Variants in RBPMS observed in about 807,000 individuals in gnomAD.
RBPMS encodes the protein RNA binding protein, mRNA processing factor.
In RBPMS, 7 loss-of-function variants were observed where a neutral mutation model predicts 26.8. That is an observed-to-expected ratio of 0.26 (90% CI 0.15 to 0.49). The LOEUF (loss-of-function observed/expected upper bound fraction) is 0.49. RBPMS is among the 20% of genes least tolerant of loss of function. The probability of loss-of-function intolerance (pLI) is 0.98; values close to 1 mark genes in which losing one functional copy is unlikely to be tolerated. For synonymous variants in RBPMS, 96 were observed against 93.3 expected (o/e 1.03, Z -0.17); for missense variants, 186 against 250.0 (o/e 0.74, Z 1.73).
chr8:30,558,834 A>C lies in RBPMS; in HGVS notation c.529-53A>C, dbSNP rs1429684777. 3.4e-6 allele frequency: 5 copies of C among 1,469,472 alleles called. No homozygotes were observed. In the African/African-American group the frequency reaches 7.0e-5, roughly 20 times the overall value. 91.0% of individuals were successfully genotyped at this position (1,469,472 alleles called of 1,614,324 possible). On this transcript the variant is annotated intron_variant, in intron 6 of 8. Coordinates refer to ENST00000397323, the MANE Select transcript of RBPMS (RefSeq NM_001008710.3). ...TAGCCAAGCAGGACCCTCCGTGAGA[A>C]TGGGGATATGCTGGGGAGCCCTGGC... is the stretch of plus-strand genomic sequence containing the variant.
At chr8:30,490,551 C>T (rs886764272) in intron 4 of RBPMS, among the ~76,000 whole-genome samples, 3 of 151,984 alleles carry the variant, frequency 2.0e-5, no homozygotes, top group African/African-American at 7.3e-5. Context: ...CCTCTGCCTC[C>T]GGGGTTCAAG....
intron 1 of RBPMS, among the ~76,000 whole-genome samples, chr8:30,424,949 A>G (rs781261373): frequency 6.6e-6 from 1 of 151,944 alleles, no homozygotes; most frequent in Non-Finnish European, 1.5e-5. Flanking sequence ...TTTTTATTCC[A>G]TGTATTTATT....
intron 1 of RBPMS, among the ~76,000 whole-genome samples, chr8:30,456,506 T>A (rs995146502): frequency 1.3e-5 from 2 of 152,068 alleles, no homozygotes; most frequent in East Asian, 1.9e-4. Context: ...GATTTTTTTT[T>A]AAAATCATGG....
chr8:30,523,609 G>C (rs1238006848), intron 5 of RBPMS, among the ~76,000 whole-genome samples: 1 of 150,634 alleles, frequency 6.6e-6, no homozygotes, highest in East Asian at 1.9e-4. Context: ...CATGACAGGG[G>C]AAGAATTCCT....
intron 1 of RBPMS, among the ~76,000 whole-genome samples, chr8:30,439,842 G>C (rs1812873657): frequency 6.6e-6 from 1 of 151,910 alleles, no homozygotes; most frequent in Non-Finnish European, 1.5e-5. Context: ...TGTAGAGACG[G>C]GGTTTCACCA....
rs753402190 is a variant in RBPMS at position 30,479,300 on chromosome 8, C to CT, written c.184-6dup. 880 of 1,573,960 alleles carry CT rather than the reference C, an allele frequency of 5.6e-4. No homozygotes were observed. The highest frequency in any genetic ancestry group is 6.4e-4 in the Non-Finnish European group (740 of 1,147,980). Reference sequence around the variant, plus strand: ...TCTGATTTTTTTTCTTCATATTTCTCTTTTTTTTTCTCAGCCTGTAGGTTT... The same window carrying CT: ...TCTGATTTTTTTTCTTCATATTTCTCTTTTTTTTTTCTCAGCCTGTAGGTTT... On this transcript the variant is annotated splice_polypyrimidine_tract_variant and intron_variant, in intron 3 of 8. Coordinates refer to ENST00000397323, the MANE Select transcript of RBPMS (RefSeq NM_001008710.3).
chr8:30,541,023 T>G (rs966381589), intron 5 of RBPMS, among the ~76,000 whole-genome samples: 3 of 152,182 alleles, frequency 2.0e-5, no homozygotes, highest in African/African-American at 7.2e-5. Flanking sequence ...CTATGGAATA[T>G]TTCCAAATAG....
intron 4 of RBPMS, among the ~76,000 whole-genome samples, chr8:30,503,108 C>T (rs1458022909): frequency 6.6e-6 from 1 of 152,154 alleles, no homozygotes; most frequent in Non-Finnish European, 1.5e-5. Flanking sequence ...CCCTAAGGAC[C>T]TCTCTTTCCT....
intron 1 of RBPMS, among the ~76,000 whole-genome samples, chr8:30,434,065 C>T (rs1812196649): frequency 6.6e-6 from 1 of 151,674 alleles, no homozygotes; most frequent in Non-Finnish European, 1.5e-5. Flanking sequence ...TGCAGTGAGC[C>T]AAGTTTACAC....
At chr8:30,439,334 G>C (rs927133782) in intron 1 of RBPMS, among the ~76,000 whole-genome samples, 3 of 152,208 alleles carry the variant, frequency 2.0e-5, no homozygotes, top group African/African-American at 7.2e-5. Flanking sequence ...TTTCTTGGCA[G>C]ATCTTACAGG....
At chr8:30,554,970 C>G (rs1385910993) in intron 6 of RBPMS, among the ~76,000 whole-genome samples, 5 of 152,286 alleles carry the variant, frequency 3.3e-5, no homozygotes, top group Non-Finnish European at 5.9e-5. Context: ...GTTGGTACTT[C>G]AGGCAGGGCG....
chr8:30,500,363 A>G (rs1198117964), intron 4 of RBPMS, among the ~76,000 whole-genome samples: 2 of 148,372 alleles, frequency 1.3e-5, no homozygotes, highest in Admixed American at 1.3e-4. Context: ...TTTTCAGGCT[A>G]ATCTAGCCAT....
chr8:30,567,114 A>C (rs954014770), intron 8 of RBPMS, among the ~76,000 whole-genome samples: 3 of 152,198 alleles, frequency 2.0e-5, no homozygotes, highest in African/African-American at 4.8e-5. Flanking sequence ...ATGGTGGTTT[A>C]TGTCTCAGCC....
intron 1 of RBPMS, among the ~76,000 whole-genome samples, chr8:30,446,416 A>T (rs1813777291): frequency 6.6e-6 from 1 of 152,166 alleles, no homozygotes; most frequent in Admixed American, 6.5e-5. Context: ...GGCTTACTAC[A>T]GGTAGACTAC....
chr8:30,473,155 T>G (rs1817318073), intron 1 of RBPMS, among the ~76,000 whole-genome samples: 1 of 152,208 alleles, frequency 6.6e-6, no homozygotes. Context: ...TGGCTTTTGA[T>G]GTTTTGTGTG....
In RBPMS at chr8:30,544,951, C is replaced by T. The variant is rs147835295; in HGVS notation, c.528+327C>T. 1,029 of 1,465,194 alleles carry T rather than the reference C, an allele frequency of 7.0e-4. 4 individuals carry two copies. In the African/African-American group the frequency reaches 0.013, roughly 18 times the overall value. 90.8% of individuals were successfully genotyped at this position (1,465,194 alleles called of 1,614,324 possible). On this transcript the variant is annotated intron_variant, in intron 6 of 8. Transcript: ENST00000397323. ...CTAGAGGGCATCACCAGAGTGTATA[C>T]GTGTGTGCCTTGTGTGGAAGGGCTG...
chr8:30,537,566 C>T (rs1354788046), intron 5 of RBPMS: 5 of 456,030 alleles, frequency 1.1e-5, no homozygotes, highest in Non-Finnish European at 2.2e-5. Context: ...GAGAATATGT[C>T]TTTATCATCA....
At chr8:30,431,363 C>CTT (rs1811911653) in intron 1 of RBPMS, among the ~76,000 whole-genome samples, 1 of 148,620 alleles carries the variant, frequency 6.7e-6, no homozygotes, top group Non-Finnish European at 1.5e-5. Flanking sequence ...CTTTCTCTTT[C>CTT]TTTCTTTCTC....
At chr8:30,487,119 A>G (rs1489608922) in intron 4 of RBPMS, among the ~76,000 whole-genome samples, 1 of 152,224 alleles carries the variant, frequency 6.6e-6, no homozygotes, top group Non-Finnish European at 1.5e-5. Context: ...TAAGATGCCA[A>G]GCCAGTTTTA....
Sources: gnomAD v4.1 joint callset for allele counts (sites outside exome capture counted in the v4.1 genomes callset) on GRCh38, gnomAD v4.1.1 for gene constraint, MANE v1.5 for transcripts, NCBI Gene and HGNC (gene_info 2026-07-23, HGNC 2026-07-21) for gene names.